The following LRRC74A variants were observed in gnomAD, a reference collection of about 807,000 sequenced individuals.
LRRC74A encodes the protein leucine rich repeat containing 74A.
A neutral mutation model predicts 57.9 loss-of-function variants in LRRC74A; 44 were observed. The observed-to-expected ratio is 0.76, with a 90% CI of 0.60 to 0.98. The LOEUF is 0.98. Among genes scored for constraint, LRRC74A ranks in the 50% least tolerant of loss-of-function variants. The pLI is 0.00. For synonymous variants in LRRC74A, 211 were observed against 219.4 expected, an observed-to-expected ratio of 0.96 and a Z score of 0.34; for missense variants, 572 against 574.0, an observed-to-expected ratio of 1.00 and a Z score of 0.04.
At chr14:76,864,409 AAG>A (rs1491386095) in intron 11 of LRRC74A, among the ~76,000 whole-genome samples, 2 of 824 alleles carry the variant, frequency 2.4e-3, no homozygotes, top group Non-Finnish European at 4.3e-3. Flanking sequence ...GAGTGAGAGG[AAG>A]GGGGGGGGGG....
At position 76,865,919 on chromosome 14, in the gene LRRC74A, G is replaced by A. The variant is rs762633758; in HGVS notation, c.1201-49G>A. Reference sequence around the variant, plus strand: ...TGGGAGGGAAGGGGGACCTGCGATCGTTGTTACAAGACCAAGTGTTTGCTC... The same window carrying A: ...TGGGAGGGAAGGGGGACCTGCGATCATTGTTACAAGACCAAGTGTTTGCTC... On this transcript the variant is annotated intron_variant, in intron 11 of 13. Coordinates refer to ENST00000689127, the MANE Select transcript of LRRC74A (RefSeq NM_001385106.1). The A allele has an allele frequency of 6.0e-5, 83 of 1,389,534 alleles. 1 individual carries two copies. In the East Asian group the frequency reaches 1.1e-3, roughly 19 times the overall value. 86.1% of individuals were successfully genotyped at this position (1,389,534 alleles called of 1,614,324 possible).
Position 76,852,446 on chromosome 14 carries a change from T to C in LRRC74A, c.758T>C (p.Leu253Pro), listed in dbSNP as rs150554930. 5 of 1,602,860 alleles carry C rather than the reference T, an allele frequency of 3.1e-6. No homozygotes were observed. The African/African-American group carries it at 5.4e-5, about 17-fold the overall frequency. Reference sequence around the variant, plus strand: ...GGAGCTGTGGCCTTGTGCAATGGTCTCCGGGTAAGGCACTCTCCAGGAGTG... The same window carrying C: ...GGAGCTGTGGCCTTGTGCAATGGTCCCCGGGTAAGGCACTCTCCAGGAGTG... ...TRGAVALCNG[L>P]RGNVTLTKLD... The change falls in exon 8 of 14, where the codon CTC becomes CCC. Residue 253 changes from leucine to proline, a missense_variant. Transcript: ENST00000689127.
chr14:76,864,338 T>C (rs1898574391), intron 11 of LRRC74A, among the ~76,000 whole-genome samples: 1 of 145,064 alleles, frequency 6.9e-6, no homozygotes, highest in East Asian at 2.2e-4. Context: ...AAATGCTTCG[T>C]GAGAAGGACG....
chr14:76,842,981 A>G (rs1896874966), intron 5 of LRRC74A, among the ~76,000 whole-genome samples: 1 of 152,144 alleles, frequency 6.6e-6, no homozygotes, highest in Non-Finnish European at 1.5e-5. Flanking sequence ...AGGTCTAGTC[A>G]TGTGTGTGCA....
intron 4 of LRRC74A, 132 bp downstream of exon 4, chr14:76,836,446 C>G (rs1442718212): frequency 3.3e-6 from 2 of 597,840 alleles, no homozygotes; most frequent in Admixed American, 2.9e-5. Context: ...TCCCACACGA[C>G]TTCTTAGAGG....
chr14:76,837,189 C>A (rs1393160738), intron 4 of LRRC74A, among the ~76,000 whole-genome samples: 1 of 152,122 alleles, frequency 6.6e-6, no homozygotes, highest in Non-Finnish European at 1.5e-5. Flanking sequence ...TTAAAGTGAA[C>A]TTTCTTAAAG....
At position 76,828,424 on chromosome 14, in the gene LRRC74A, G is replaced by C. The variant is rs768438118; in HGVS notation, c.166+5G>C. The C allele has an allele frequency of 1.9e-6, 3 of 1,613,982 alleles. No individual in the cohort carries two copies. The South Asian group carries it at 3.3e-5, about 18-fold the overall frequency. On this transcript the variant is annotated splice_donor_5th_base_variant and intron_variant, in intron 2 of 13. Coordinates refer to ENST00000689127, the MANE Select transcript of LRRC74A (RefSeq NM_001385106.1). ...AAACAGACCTGGAGATTGAAGGCGAGCATGGGCATTTGGGGGCAGTCAGGG... is the reference window on the plus strand; with the variant it reads ...AAACAGACCTGGAGATTGAAGGCGACCATGGGCATTTGGGGGCAGTCAGGG...
intron 3 of LRRC74A, among the ~76,000 whole-genome samples, chr14:76,833,179 A>G (rs1430409431): frequency 6.6e-6 from 1 of 152,216 alleles, no homozygotes; most frequent in African/African-American, 2.4e-5. Flanking sequence ...AGGAAAACTG[A>G]GTTGGCCAAG....
At chr14:76,848,344 A>C (rs910396530) in intron 7 of LRRC74A, among the ~76,000 whole-genome samples, 4 of 147,894 alleles carry the variant, frequency 2.7e-5, no homozygotes, top group African/African-American at 1.0e-4. Flanking sequence ...AATAAATAAA[A>C]GACGAGATCC....
At chr14:76,855,985 C>T (rs1443771717) in intron 9 of LRRC74A, among the ~76,000 whole-genome samples, 2 of 152,186 alleles carry the variant, frequency 1.3e-5, no homozygotes, top group East Asian at 3.8e-4. Flanking sequence ...AGCCACCAGG[C>T]TCCACAGTCC....
In LRRC74A at chr14:76,852,367, A is replaced by G. The variant is rs1404191055; in HGVS notation, c.679A>G (p.Ile227Val). The G allele has an allele frequency of 6.8e-6, 11 of 1,608,932 alleles. No homozygotes were observed. The Admixed American group carries it at 1.8e-4, about 27-fold the overall frequency. Reference sequence around the variant, plus strand: ...AGCCGATTCCCTCCCTGTTTCAGCCATCAACGTGGGGCTCACGTCACTGGA... The same window carrying G: ...AGCCGATTCCCTCCCTGTTTCAGCCGTCAACGTGGGGCTCACGTCACTGGA... Reference protein sequence around the residue: ...GGEHLGQMLAINVGLTSLDLS... With the variant: ...GGEHLGQMLAVNVGLTSLDLS... The change falls in exon 8 of 14, where the codon ATC (isoleucine) becomes GTC (valine). Residue 227 changes from isoleucine (I) to valine (V), a missense_variant and splice_region_variant. Ile to Val is a conservative substitution (Grantham distance 29). Transcript: ENST00000689127.
intron 9 of LRRC74A, among the ~76,000 whole-genome samples, chr14:76,854,088 T>C (rs1013124293): frequency 1.3e-5 from 2 of 152,164 alleles, no homozygotes; most frequent in African/African-American, 4.8e-5. Flanking sequence ...TCCCTTGCTC[T>C]GCACCCAAGA....
chr14:76,842,659 G>GCATTCATTCATT (rs57316542), intron 5 of LRRC74A, among the ~76,000 whole-genome samples: 18 of 151,284 alleles, frequency 1.2e-4, no homozygotes, highest in Non-Finnish European at 1.9e-4. Flanking sequence ...TCCAGTGAAT[G>GCATTCATTCATT]CATTCATTCA....
chr14:76,864,201 C>T (rs1440226780), intron 11 of LRRC74A, among the ~76,000 whole-genome samples: 1 of 152,078 alleles, frequency 6.6e-6, no homozygotes, highest in Non-Finnish European at 1.5e-5. Context: ...GGGTGTCCAG[C>T]AGCTGTGGAG....
chr14:76,867,489 G>A (rs1899032410), intron 13 of LRRC74A, 51 bp downstream of exon 13: 3 of 948,962 alleles, frequency 3.2e-6, no homozygotes, highest in East Asian at 4.9e-5. Context: ...GGCCCTGGCT[G>A]GGCTGATGTG....
chr14:76,837,737 C>T, intron 4 of LRRC74A, 138 bp from the exon 5 acceptor site: 1 of 500,508 alleles, frequency 2.0e-6, no homozygotes, highest in Non-Finnish European at 3.6e-6. Flanking sequence ...TTGGCACCTC[C>T]CTAATCCTCC....
rs1188425307 is a variant in LRRC74A, at chr14:76,828,862, G to A, written c.166+443G>A. 2.0e-5 allele frequency: 10 copies of A among 494,348 alleles called. No homozygotes were observed. In the East Asian group the frequency reaches 2.1e-4, roughly 10 times the overall value. 30.6% of individuals were successfully genotyped at this position (494,348 alleles called of 1,614,324 possible). A position where few individuals can be genotyped will look rare whatever the true frequency, so the allele number is the denominator to read the frequency against. The stretch of plus-strand genomic sequence containing the variant: ...TTTGCCCAGCACGTTGGCTGATCCC[G>A]TGTTTGACTCACTCTGATGGTTCTG... On this transcript the variant is annotated intron_variant, in intron 2 of 13. Transcript: ENST00000689127.
At chr14:76,866,131 T>C (rs962865950) in intron 12 of LRRC74A, 56 bp downstream of exon 12, 1 of 1,307,114 alleles carries the variant, frequency 7.7e-7, no homozygotes, top group Admixed American at 2.0e-5. Flanking sequence ...TGAGTTTGTG[T>C]GTCAGAGAGA....
intron 5 of LRRC74A, among the ~76,000 whole-genome samples, 157 bp downstream of exon 5, chr14:76,838,128 C>G (rs1180334643): frequency 6.6e-6 from 1 of 152,132 alleles, no homozygotes; most frequent in Non-Finnish European, 1.5e-5. Context: ...CCCAGTCACA[C>G]TCCCCTAGCC....
Sources: gnomAD v4.1 joint callset for allele counts (sites outside exome capture counted in the v4.1 genomes callset) on GRCh38, gnomAD v4.1.1 for gene constraint, MANE v1.5 for transcripts, NCBI Gene and HGNC (gene_info 2026-07-23, HGNC 2026-07-21) for gene names.